TMPRSS15: variants seen among roughly 807,000 people sequenced by gnomAD.
TMPRSS15 encodes the protein enteropeptidase.
A neutral mutation model predicts 125.3 loss-of-function variants in TMPRSS15; 128 were observed. That is an observed-to-expected ratio of 1.02 (90% confidence interval 0.89 to 1.18). TMPRSS15 has a LOEUF of 1.18. TMPRSS15 is among the 50% of genes most tolerant of loss of function. The pLI is 0.00. For missense variants in TMPRSS15, 1,283 were observed against 1,212.7 expected (o/e 1.06, Z -0.86); for synonymous variants, 446 against 423.2 (o/e 1.05, Z -0.66).
intron 16 of TMPRSS15, among the ~76,000 whole-genome samples, chr21:18,324,045 A>C (rs566959625): frequency 3.5e-4 from 53 of 152,326 alleles, no homozygotes; most frequent in Non-Finnish European, 8.8e-5. Flanking sequence ...TTGAAATTTA[A>C]AACTTCACAC....
chr21:18,321,266 G>C (rs931564781), intron 16 of TMPRSS15, among the ~76,000 whole-genome samples: 2 of 151,476 alleles, frequency 1.3e-5, no homozygotes, highest in Non-Finnish European at 2.9e-5. Context: ...CTATACAATT[G>C]TGTTAAATTT....
At chr21:18,441,376 G>A (rs1218003228) in intron 1 of TMPRSS15, among the ~76,000 whole-genome samples, 8 of 151,890 alleles carry the variant, frequency 5.3e-5, no homozygotes, top group Non-Finnish European at 1.0e-4. Context: ...GGAGGCCGAG[G>A]CAGGCAGATC....
intron 13 of TMPRSS15, among the ~76,000 whole-genome samples, chr21:18,339,220 G>A (rs558922938): frequency 2.6e-4 from 39 of 152,186 alleles, no homozygotes; most frequent in Non-Finnish European, 3.8e-4. Context: ...TCTCATATAA[G>A]CATCTAAACA....
chr21:18,373,222 A>T (rs1601406696), intron 5 of TMPRSS15, among the ~76,000 whole-genome samples: 1 of 152,232 alleles, frequency 6.6e-6, no homozygotes, highest in African/African-American at 2.4e-5. Context: ...GGAAAATAAA[A>T]ATGCCCATGT....
At chr21:18,294,485 G>A (rs2074878234) in intron 20 of TMPRSS15, 41 bp from the exon 21 acceptor site, 1 of 1,612,884 alleles carries the variant, frequency 6.2e-7, no homozygotes, top group Non-Finnish European at 8.5e-7. Context: ...TTTCATTTTT[G>A]GCATTTCTTC....
At chr21:18,319,090 G>C (rs2075205738) in intron 16 of TMPRSS15, among the ~76,000 whole-genome samples, 1 of 152,048 alleles carries the variant, frequency 6.6e-6, no homozygotes. Flanking sequence ...TTGAAAAAAA[G>C]AAACAATTTT....
At chr21:18,332,198 C>T (rs761821093) in intron 13 of TMPRSS15, 25 bp from the exon 14 acceptor site, 2 of 1,572,256 alleles carry the variant, frequency 1.3e-6, no homozygotes, top group South Asian at 1.1e-5. Flanking sequence ...AATGGGAAAT[C>T]ATCAGTAATA....
At chr21:18,456,505 G>C (rs2123265939) in intron 1 of TMPRSS15, among the ~76,000 whole-genome samples, 1 of 152,142 alleles carries the variant, frequency 6.6e-6, no homozygotes, top group African/African-American at 2.4e-5. Context: ...ACAAGTTTTA[G>C]AGGGAATTTG....
intron 5 of TMPRSS15, among the ~76,000 whole-genome samples, chr21:18,373,040 T>C (rs1277399378): frequency 6.6e-6 from 1 of 152,220 alleles, no homozygotes; most frequent in Non-Finnish European, 1.5e-5. Context: ...TACTTCTGCC[T>C]CTGAATATAA....
At chr21:18,472,480 T>TATATATATATACAC (rs1491127013) in intron 1 of TMPRSS15, among the ~76,000 whole-genome samples, 3 of 112,332 alleles carry the variant, frequency 2.7e-5, no homozygotes, top group Admixed American at 9.1e-5. Context: ...TATATATATA[T>TATATATATATACAC]ACACACACAC....
intron 3 of TMPRSS15, among the ~76,000 whole-genome samples, chr21:18,395,619 G>A (rs1424693301): frequency 6.6e-6 from 1 of 152,134 alleles, no homozygotes; most frequent in Non-Finnish European, 1.5e-5. Flanking sequence ...CAGGGCTAAA[G>A]TATCTTAACC....
intron 1 of TMPRSS15, among the ~76,000 whole-genome samples, chr21:18,461,523 A>G (rs1978550585): frequency 6.6e-6 from 1 of 152,212 alleles, no homozygotes; most frequent in Non-Finnish European, 1.5e-5. Context: ...ATAGCAAGGA[A>G]TTAAGAAAAA....
chr21:18,392,654 T>C (rs1245765110), intron 3 of TMPRSS15, among the ~76,000 whole-genome samples: 1 of 152,194 alleles, frequency 6.6e-6, no homozygotes, highest in African/African-American at 2.4e-5. Context: ...ACCCCATTCC[T>C]GGTGCCAATT....
intron 1 of TMPRSS15, among the ~76,000 whole-genome samples, chr21:18,465,368 T>C (rs1334497810): frequency 6.6e-6 from 1 of 152,160 alleles, no homozygotes; most frequent in Non-Finnish European, 1.5e-5. Flanking sequence ...GGATGCCCTC[T>C]CTCACCACTC....
chr21:18,444,388 A>C (rs1386271164), intron 1 of TMPRSS15, among the ~76,000 whole-genome samples: 1 of 152,234 alleles, frequency 6.6e-6, no homozygotes, highest in East Asian at 1.9e-4. Flanking sequence ...CAAGGACAGA[A>C]AACCAAACAC....
chr21:18,341,334 G>C lies in TMPRSS15; in HGVS notation c.1564+79C>G, dbSNP rs1445048492. On this transcript the variant is annotated intron_variant, in intron 13 of 24. Transcript: ENST00000284885. ...AATCCTCCTGCTTCAGCCTCCCGAAGTGCTGGAATTATAGCTGTGAGCCTC... is the reference window on the plus strand; with the variant it reads ...AATCCTCCTGCTTCAGCCTCCCGAACTGCTGGAATTATAGCTGTGAGCCTC... The C allele has an allele frequency of 1.4e-5, 22 of 1,572,202 alleles. 1 individual carries two copies. In the South Asian group the frequency reaches 2.2e-4, roughly 16 times the overall value.
chr21:18,326,551 G>C lies in TMPRSS15; in HGVS notation c.1802C>G (p.Pro601Arg), dbSNP rs1601338307. 1 of 1,614,048 alleles carries C rather than the reference G, an allele frequency of 6.2e-7. No homozygotes were observed. Among genetic ancestry groups the C allele is most frequent in the East Asian group, 2.2e-5 (1 of 44,872 alleles). Residue 601 changes from proline to arginine, a missense_variant, in exon 16 of 25, where the codon CCA becomes CGA. By Grantham distance (103) the Pro-to-Arg change is moderately radical. Coordinates refer to ENST00000284885, the MANE Select transcript of TMPRSS15 (RefSeq NM_002772.3). Reference sequence around the variant, plus strand: ...GGTGGTAGAGAACACATCCTTTACTGGGCCAGGCCCTGTGTACACAGCTGT... The same window carrying C: ...GGTGGTAGAGAACACATCCTTTACTCGGCCAGGCCCTGTGTACACAGCTGT... ...LLLAVYTGPGPVKDVFSTTNR... is the reference protein window; with the variant it reads ...LLLAVYTGPGRVKDVFSTTNR...
At chr21:18,311,298 A>C (rs1336358188) in intron 18 of TMPRSS15, among the ~76,000 whole-genome samples, 1 of 152,206 alleles carries the variant, frequency 6.6e-6, no homozygotes, top group Non-Finnish European at 1.5e-5. Flanking sequence ...GTGAAGAGCA[A>C]ATCCACAGAA....
intron 21 of TMPRSS15, among the ~76,000 whole-genome samples, chr21:18,290,013 T>C (rs966659401): frequency 3.0e-4 from 46 of 152,388 alleles, no homozygotes; most frequent in African/African-American, 9.1e-4. Context: ...AAACCTTGGT[T>C]GATGCGTGTG....
Sources: allele counts gnomAD v4.1 joint callset (sites outside exome capture counted in the v4.1 genomes callset), GRCh38; gene constraint gnomAD v4.1.1; transcripts MANE v1.5; gene names NCBI Gene and HGNC (gene_info 2026-07-23, HGNC 2026-07-21).